DLGAP2: variants seen among roughly 807,000 people sequenced by gnomAD.
The protein encoded by DLGAP2 is disks large-associated protein 2.
In DLGAP2, 26 loss-of-function variants were observed where a neutral mutation model predicts 100.3. The ratio of observed to expected loss-of-function variants is 0.26; its 90% confidence interval spans 0.19 to 0.36. The LOEUF (loss-of-function observed/expected upper bound fraction) is 0.36, where lower values mean the gene tolerates loss of function less well. DLGAP2 is among the 10% of genes least tolerant of loss of function. DLGAP2 has a pLI of 1.00. For missense variants in DLGAP2, 1,858 were observed against 1,453.2 expected (o/e 1.28, Z -4.53); for synonymous variants, 886 against 630.1 (o/e 1.41, Z -6.08).
At chr8:1,497,569 C>G (rs557728539) in intron 3 of DLGAP2, among the ~76,000 whole-genome samples, 2 of 152,330 alleles carry the variant, frequency 1.3e-5, no homozygotes, top group East Asian at 1.9e-4. Context: ...TTCCTTGTCT[C>G]TTTAAGCATA....
At chr8:950,339 C>T (rs1380053212) in intron 2 of DLGAP2, among the ~76,000 whole-genome samples, 1 of 152,136 alleles carries the variant, frequency 6.6e-6, no homozygotes, top group Admixed American at 6.5e-5. Context: ...GAGCACTTCC[C>T]AGAGAAAATC....
At chr8:1,286,757 C>A (rs978729542) in intron 3 of DLGAP2, among the ~76,000 whole-genome samples, 2 of 152,336 alleles carry the variant, frequency 1.3e-5, no homozygotes, top group South Asian at 4.1e-4. Context: ...AGTGCACCCT[C>A]TGTGCTGTAC....
intron 2 of DLGAP2, among the ~76,000 whole-genome samples, chr8:984,491 G>T (rs934227406): frequency 1.3e-5 from 2 of 152,198 alleles, no homozygotes; most frequent in African/African-American, 2.4e-5. Flanking sequence ...TTGGTTGTGG[G>T]GATGGTCAGC....
intron 13 of DLGAP2, among the ~76,000 whole-genome samples, chr8:1,693,311 A>G (rs897465450): frequency 1.3e-5 from 2 of 149,658 alleles, no homozygotes; most frequent in Non-Finnish European, 3.0e-5. Context: ...TATACATTCT[A>G]TATATACTGT....
intron 6 of DLGAP2, among the ~76,000 whole-genome samples, chr8:1,619,332 A>G (rs2957089): frequency 1.3e-5 from 2 of 152,088 alleles, no homozygotes; most frequent in African/African-American, 4.8e-5. Flanking sequence ...AACATGCCCA[A>G]GAGGATACGG....
intron 10 of DLGAP2, 34 bp downstream of exon 10, chr8:1,669,818 G>A (rs781628489): frequency 1.0e-5 from 8 of 780,746 alleles, no homozygotes; most frequent in South Asian, 2.7e-5. Context: ...AGCCGCGTCC[G>A]CATGACTTTC....
chr8:1,485,289 T>C (rs1799209424), intron 3 of DLGAP2, among the ~76,000 whole-genome samples: 1 of 152,256 alleles, frequency 6.6e-6, no homozygotes, highest in East Asian at 1.9e-4. Flanking sequence ...AAAATGCAGC[T>C]AATGAATTGC....
intron 3 of DLGAP2, among the ~76,000 whole-genome samples, chr8:1,463,261 G>A (rs1449684885): frequency 6.6e-6 from 1 of 152,148 alleles, no homozygotes; most frequent in Non-Finnish European, 1.5e-5. Flanking sequence ...AAAAACAAAA[G>A]AAAAAGATCA....
rs73535686 is a variant in DLGAP2, at chr8:1,274,877, G to A, written c.106+15994G>A. On this transcript the variant is annotated intron_variant, in intron 3 of 14. Transcript: ENST00000637795. ...AATGCTCTCTGGCTTTAATTCCTTC[G>A]GTAGCAATTACTTTATGAATATTCC... Among the ~76,000 whole-genome samples the A allele has an allele frequency of 6.4e-3, 965 of 151,844 alleles. 7 individuals carry two copies. The highest frequency in any genetic ancestry group is 0.022 in the African/African-American group (927 of 41,398).
At chr8:816,478 C>T (rs148361150) in intron 1 of DLGAP2, among the ~76,000 whole-genome samples, 336 of 152,152 alleles carry the variant, frequency 2.2e-3, no homozygotes, top group African/African-American at 7.5e-3. Context: ...CCTTCATTTA[C>T]GAAGCTTAGT....
chr8:1,601,077 A>C (rs1360806336), intron 6 of DLGAP2, among the ~76,000 whole-genome samples: 1 of 151,836 alleles, frequency 6.6e-6, no homozygotes, highest in African/African-American at 2.4e-5. Flanking sequence ...CTTTTTATTG[A>C]TGTTGATGCT....
chr8:1,018,878 G>C (rs553105400), intron 2 of DLGAP2: 7 of 152,278 alleles, frequency 4.6e-5, no homozygotes, highest in Admixed American at 1.3e-4. Context: ...AATCCAGTTT[G>C]TGCAATGACA....
chr8:1,515,171 T>A (rs937373999), intron 4 of DLGAP2, among the ~76,000 whole-genome samples: 12 of 152,094 alleles, frequency 7.9e-5, no homozygotes, highest in African/African-American at 2.9e-4. Context: ...GCCTTGGAAA[T>A]CACGGAGAGT....
chr8:901,977 C>A (rs1464850280), intron 1 of DLGAP2, among the ~76,000 whole-genome samples: 1 of 152,168 alleles, frequency 6.6e-6, no homozygotes, highest in African/African-American at 2.4e-5. Flanking sequence ...AGCCGTGCAA[C>A]CCCCACTGGA....
intron 4 of DLGAP2, among the ~76,000 whole-genome samples, chr8:1,522,444 G>A (rs1166321756): frequency 4.6e-5 from 7 of 152,216 alleles, no homozygotes; most frequent in African/African-American, 7.2e-5. Context: ...CTCAGAGCAC[G>A]GGATCCACAG....
At chr8:926,989 G>A in intron 2 of DLGAP2, 1 of 982,820 alleles carries the variant, frequency 1.0e-6, no homozygotes, top group Non-Finnish European at 1.2e-6. Context: ...GGAAAAGCCG[G>A]GGCCAGAGGA....
intron 3 of DLGAP2, among the ~76,000 whole-genome samples, chr8:1,363,503 T>C (rs1300225891): frequency 1.3e-5 from 2 of 152,216 alleles, no homozygotes; most frequent in Non-Finnish European, 2.9e-5. Flanking sequence ...CAAAAAGCCA[T>C]CCTGGCAGGA....
At chr8:1,547,409 G>A (rs2130509137) in intron 4 of DLGAP2, among the ~76,000 whole-genome samples, 1 of 152,242 alleles carries the variant, frequency 6.6e-6, no homozygotes. Flanking sequence ...TGTCTGGGTG[G>A]AGGCAGGGGG....
At chr8:1,374,161 G>T (rs1426597655) in intron 3 of DLGAP2, among the ~76,000 whole-genome samples, 2 of 151,166 alleles carry the variant, frequency 1.3e-5, no homozygotes, top group Non-Finnish European at 2.9e-5. Context: ...GTGGAGGTTA[G>T]GTTAGGTTTG....
Sources: gnomAD v4.1 joint callset for allele counts (sites outside exome capture counted in the v4.1 genomes callset) on GRCh38, gnomAD v4.1.1 for gene constraint, MANE v1.5 for transcripts, NCBI Gene and HGNC (gene_info 2026-07-23, HGNC 2026-07-21) for gene names.